The following COMMD10 variants were observed in gnomAD, a reference collection of about 807,000 sequenced individuals.
COMMD10 encodes COMM domain containing 10.
A neutral mutation model predicts 28.9 loss-of-function variants in COMMD10; 33 were observed. The ratio of observed to expected loss-of-function variants is 1.14; its 90% CI spans 0.87 to 1.53. The LOEUF (loss-of-function observed/expected upper bound fraction) is 1.53. Ranked by LOEUF, COMMD10 falls within the 40% of genes most tolerant of loss-of-function variation. The pLI, the probability that COMMD10 is intolerant of heterozygous loss-of-function variation, is 0.00. For missense variants in COMMD10, 310 were observed against 233.4 expected (o/e 1.33, Z -2.14); for synonymous variants, 110 against 81.7 (o/e 1.35, Z -1.87).
rs775297528 is a variant in COMMD10, at chr5:116,292,433, T to C, written c.571-18T>C. 1.3e-6 allele frequency: 2 copies of C among 1,495,376 alleles called. No homozygotes were observed. The highest frequency in any genetic ancestry group is 8.9e-7 in the Non-Finnish European group (1 of 1,122,708). The allele number at this position is 1,495,376 out of a possible 1,614,324, so 92.6% of individuals were successfully genotyped here. A position where few individuals can be genotyped will look rare whatever the true frequency, so the allele number is the denominator to read the frequency against. On this transcript the variant is annotated intron_variant, in intron 6 of 6. Coordinates refer to ENST00000274458, the MANE Select transcript of COMMD10 (RefSeq NM_016144.4). The stretch of plus-strand genomic sequence containing the variant: ...TCCCTTCACTAACGTCTTTTTTTTT[T>C]TTTGTCTTTGTAAATAGCTAGAGAC...
intron 5 of COMMD10, among the ~76,000 whole-genome samples, chr5:116,191,087 G>C (rs1748354822): frequency 6.6e-6 from 1 of 152,050 alleles, no homozygotes. Flanking sequence ...ATGGATGATA[G>C]ACTCATGCTA....
At chr5:116,212,678 G>C (rs1008573449) in intron 5 of COMMD10, among the ~76,000 whole-genome samples, 7 of 152,026 alleles carry the variant, frequency 4.6e-5, no homozygotes, top group African/African-American at 1.5e-4. Context: ...ATTAAATAAT[G>C]AATTCATCAC....
At chr5:116,156,823 TA>T (rs57514060) in intron 5 of COMMD10, among the ~76,000 whole-genome samples, 8,061 of 152,252 alleles carry the variant, frequency 0.053, 369 homozygotes, top group African/African-American at 0.12. Flanking sequence ...TTTGCCAGCT[TA>T]TACACTGGAG....
intron 5 of COMMD10, among the ~76,000 whole-genome samples, chr5:116,194,718 T>G (rs1406869641): frequency 6.6e-6 from 1 of 152,120 alleles, no homozygotes; most frequent in Non-Finnish European, 1.5e-5. Flanking sequence ...CCAGACAGAT[T>G]CACAGCAGAA....
At chr5:116,126,473 C>G (rs1418550999) in intron 4 of COMMD10, among the ~76,000 whole-genome samples, 3 of 152,184 alleles carry the variant, frequency 2.0e-5, no homozygotes, top group Non-Finnish European at 4.4e-5. Context: ...CCAAGTCAAT[C>G]CTAAGCAAAA....
chr5:116,245,058 A>C (rs973813764), intron 5 of COMMD10, among the ~76,000 whole-genome samples: 1 of 151,752 alleles, frequency 6.6e-6, no homozygotes, highest in Non-Finnish European at 1.5e-5. Flanking sequence ...TTTTGAAAAA[A>C]AAAATTAATA....
rs566965395 is a variant in COMMD10 at position 116,291,291 on chromosome 5, G to C, written c.511-226G>C. Among the ~76,000 whole-genome samples the C allele has an allele frequency of 6.6e-5, 10 of 152,296 alleles. No homozygotes were observed. The East Asian group carries it at 1.9e-3, about 29-fold the overall frequency. Reference sequence around the variant, plus strand: ...GGCATATGTTTTATTAACCTTCGTAGAGTCAACTTAAAGGACAGATGTCTG... The same window carrying C: ...GGCATATGTTTTATTAACCTTCGTACAGTCAACTTAAAGGACAGATGTCTG... On this transcript the variant is annotated intron_variant, in intron 5 of 6. Coordinates refer to ENST00000274458, the MANE Select transcript of COMMD10 (RefSeq NM_016144.4).
chr5:116,120,641 C>T (rs925380163), intron 4 of COMMD10, among the ~76,000 whole-genome samples: 1 of 152,026 alleles, frequency 6.6e-6, no homozygotes, highest in Non-Finnish European at 1.5e-5. Context: ...ATGGCATTCT[C>T]TAGTATTTTA....
chr5:116,124,298 C>A (rs1384508317), intron 4 of COMMD10, among the ~76,000 whole-genome samples: 1 of 152,142 alleles, frequency 6.6e-6, no homozygotes, highest in Non-Finnish European at 1.5e-5. Flanking sequence ...CAAAGAACAT[C>A]TTTATTTCTG....
At chr5:116,279,791 A>G (rs1433057856) in intron 5 of COMMD10, among the ~76,000 whole-genome samples, 1 of 151,714 alleles carries the variant, frequency 6.6e-6, no homozygotes, top group Non-Finnish European at 1.5e-5. Flanking sequence ...ATTTGATTAC[A>G]TTTTTTCAGA....
chr5:116,261,382 T>C (rs1416084974), intron 5 of COMMD10, among the ~76,000 whole-genome samples: 1 of 151,722 alleles, frequency 6.6e-6, no homozygotes, highest in East Asian at 1.9e-4. Flanking sequence ...TATGGGTATT[T>C]GGAGGATTTT....
chr5:116,107,305 G>C (rs538908130), intron 4 of COMMD10, among the ~76,000 whole-genome samples: 2 of 152,174 alleles, frequency 1.3e-5, no homozygotes, highest in East Asian at 3.9e-4. Context: ...CCATCACTTT[G>C]AGGTACACCA....
intron 5 of COMMD10, among the ~76,000 whole-genome samples, chr5:116,234,394 T>A (rs1008660010): frequency 1.2e-4 from 19 of 152,048 alleles, no homozygotes; most frequent in Admixed American, 3.3e-4. Context: ...AAGAAAAAAA[T>A]TTCAATTTTA....
chr5:116,262,182 A>C (rs1438750086), intron 5 of COMMD10, among the ~76,000 whole-genome samples: 7 of 151,432 alleles, frequency 4.6e-5, no homozygotes. Context: ...GTCTCCTCTC[A>C]TCTTTTTCTG....
intron 5 of COMMD10, among the ~76,000 whole-genome samples, chr5:116,227,025 G>GT (rs1749409855): frequency 6.6e-6 from 1 of 151,666 alleles, no homozygotes; most frequent in Non-Finnish European, 1.5e-5. Context: ...ATTGTATACT[G>GT]TTTATCTGAT....
chr5:116,190,731 G>A (rs1041123548), intron 5 of COMMD10, among the ~76,000 whole-genome samples: 4 of 152,116 alleles, frequency 2.6e-5, no homozygotes, highest in East Asian at 1.9e-4. Context: ...AACAAGGAAA[G>A]CAACTAACAA....
intron 5 of COMMD10, among the ~76,000 whole-genome samples, chr5:116,269,377 T>C (rs1303657987): frequency 6.6e-6 from 1 of 151,908 alleles, no homozygotes; most frequent in Non-Finnish European, 1.5e-5. Flanking sequence ...CCCCAATTTA[T>C]GAACCAAGTT....
intron 5 of COMMD10, among the ~76,000 whole-genome samples, chr5:116,278,581 A>T (rs1402421304): frequency 6.6e-6 from 1 of 151,900 alleles, no homozygotes; most frequent in Non-Finnish European, 1.5e-5. Flanking sequence ...AAGTGACCTA[A>T]TAGCCAAAAT....
chr5:116,190,266 T>A (rs111842578), intron 5 of COMMD10, among the ~76,000 whole-genome samples: 53 of 152,252 alleles, frequency 3.5e-4, no homozygotes, highest in African/African-American at 1.3e-3. Context: ...GTAGAAAATG[T>A]TATGAAACTT....
Sources: gnomAD v4.1 joint callset for allele counts (sites outside exome capture counted in the v4.1 genomes callset) on GRCh38, gnomAD v4.1.1 for gene constraint, MANE v1.5 for transcripts, NCBI Gene and HGNC (gene_info 2026-07-23, HGNC 2026-07-21) for gene names.